The following ZNF385D variants were observed in gnomAD, a reference collection of about 807,000 sequenced individuals.
ZNF385D encodes the protein zinc finger protein 385D.
ZNF385D carries 15 observed loss-of-function variants against 35.8 expected under a neutral mutation model. That is an observed-to-expected ratio of 0.42 (90% CI 0.28 to 0.64). The LOEUF is 0.64. ZNF385D is among the 30% of genes least tolerant of loss of function. ZNF385D has a pLI of 0.23. For synonymous variants in ZNF385D, 212 were observed against 186.8 expected (o/e 1.13, Z -1.10); for missense variants, 474 against 494.6 (o/e 0.96, Z 0.39).
chr3:21,550,258 A>G (rs1212685803), intron 3 of ZNF385D, among the ~76,000 whole-genome samples: 3 of 152,188 alleles, frequency 2.0e-5, no homozygotes, highest in African/African-American at 4.8e-5. Context: ...AATCCTGTGA[A>G]TAATACTGAT....
At chr3:22,326,625 G>T (rs1270200396) in intron 2 of ZNF385D, among the ~76,000 whole-genome samples, 1 of 152,166 alleles carries the variant, frequency 6.6e-6, no homozygotes, top group Non-Finnish European at 1.5e-5. Context: ...TCTGTCTCAG[G>T]TGGGTGGTCA....
chr3:22,068,009 T>TG, intron 3 of ZNF385D, among the ~76,000 whole-genome samples: 1 of 103,992 alleles, frequency 9.6e-6, no homozygotes, highest in Non-Finnish European at 1.8e-5. Flanking sequence ...AAGACTCCAC[T>TG]GGAAAAAAAA....
At chr3:22,210,190 G>C (rs566516941) in intron 2 of ZNF385D, among the ~76,000 whole-genome samples, 3 of 151,872 alleles carry the variant, frequency 2.0e-5, no homozygotes, top group Non-Finnish European at 2.9e-5. Flanking sequence ...CGCCCATTTA[G>C]AGAGCTGCAT....
At chr3:21,955,689 C>A (rs1254417436) in intron 3 of ZNF385D, among the ~76,000 whole-genome samples, 1 of 152,068 alleles carries the variant, frequency 6.6e-6, no homozygotes, top group Non-Finnish European at 1.5e-5. Context: ...TTTAATTAAC[C>A]CACATGTTAT....
At chr3:22,088,142 T>C (rs1701141275) in intron 3 of ZNF385D, among the ~76,000 whole-genome samples, 1 of 152,130 alleles carries the variant, frequency 6.6e-6, no homozygotes, top group South Asian at 2.1e-4. Flanking sequence ...GGACAGAAAA[T>C]ACAGATTTTC....
rs1019742998 is a variant in ZNF385D, at chr3:22,210,487, A to G, written c.107-41452T>C. On this transcript the variant is annotated intron_variant, in intron 2 of 5. Coordinates refer to the ZNF385D transcript ENST00000494108. ...TCTAAAGAATCCATACAGCTGAAAGAAAACAAAACGTGTATCTGAAAATAC... is the reference window on the plus strand; with the variant it reads ...TCTAAAGAATCCATACAGCTGAAAGGAAACAAAACGTGTATCTGAAAATAC... Among the ~76,000 whole-genome samples, 5 of 151,870 alleles carry G rather than the reference A, an allele frequency of 3.3e-5. No individual in the cohort carries two copies. The Admixed American group carries it at 3.3e-4, about 10-fold the overall frequency.
intron 3 of ZNF385D, among the ~76,000 whole-genome samples, chr3:21,995,455 G>T (rs1695403952): frequency 6.6e-6 from 1 of 152,064 alleles, no homozygotes; most frequent in South Asian, 2.1e-4. Context: ...TTGGGCACTG[G>T]CAGGCTGAGC....
chr3:22,057,441 T>C (rs923892245), intron 3 of ZNF385D, among the ~76,000 whole-genome samples: 1 of 152,184 alleles, frequency 6.6e-6, no homozygotes, highest in Non-Finnish European at 1.5e-5. Flanking sequence ...TATCAACTGA[T>C]ACTGCAATTA....
At chr3:21,553,827 C>G (rs1462843684) in intron 3 of ZNF385D, among the ~76,000 whole-genome samples, 4 of 152,122 alleles carry the variant, frequency 2.6e-5, no homozygotes, top group Non-Finnish European at 5.9e-5. Flanking sequence ...ACTTCCTTAG[C>G]TCATTCAAAA....
At chr3:21,839,498 T>A (rs901066946) in intron 3 of ZNF385D, among the ~76,000 whole-genome samples, 1 of 152,066 alleles carries the variant, frequency 6.6e-6, no homozygotes, top group African/African-American at 2.4e-5. Context: ...AGCCAATTGA[T>A]GTAATTAAAT....
At chr3:22,105,595 T>C (rs1702166144) in intron 3 of ZNF385D, among the ~76,000 whole-genome samples, 1 of 152,034 alleles carries the variant, frequency 6.6e-6, no homozygotes, top group South Asian at 2.1e-4. Flanking sequence ...ATGGTGTAGA[T>C]CACAGTTCAG....
At chr3:22,351,447 A>C (rs895940976) in intron 2 of ZNF385D, among the ~76,000 whole-genome samples, 1 of 152,162 alleles carries the variant, frequency 6.6e-6, no homozygotes, top group Non-Finnish European at 1.5e-5. Flanking sequence ...GTTAACAAGC[A>C]TAATTACTGA....
At chr3:22,229,492 T>C (rs1356844864) in intron 2 of ZNF385D, among the ~76,000 whole-genome samples, 1 of 152,206 alleles carries the variant, frequency 6.6e-6, no homozygotes, top group Non-Finnish European at 1.5e-5. Context: ...TCCAGATGCT[T>C]TGGAGATTTT....
chr3:21,921,190 T>A (rs1474778390), intron 3 of ZNF385D, among the ~76,000 whole-genome samples: 1 of 120,696 alleles, frequency 8.3e-6, no homozygotes, highest in Non-Finnish European at 1.6e-5. Context: ...GCCACCGCAC[T>A]CCAGCCTGGG....
chr3:22,187,477 TAC>T (rs908769401), intron 2 of ZNF385D, among the ~76,000 whole-genome samples: 1 of 151,852 alleles, frequency 6.6e-6, no homozygotes, highest in Non-Finnish European at 1.5e-5. Context: ...TCTCACCCTA[TAC>T]ACACACACAG....
intron 4 of ZNF385D, among the ~76,000 whole-genome samples, chr3:21,451,063 A>G (rs917120921): frequency 3.3e-5 from 5 of 152,074 alleles, no homozygotes; most frequent in Admixed American, 3.3e-4. Context: ...CACATGTCTT[A>G]TTTCCCCTTT....
intron 1 of ZNF385D, among the ~76,000 whole-genome samples, chr3:21,744,181 G>A (rs977040963): frequency 6.6e-6 from 1 of 152,038 alleles, no homozygotes; most frequent in African/African-American, 2.4e-5. Context: ...CTAAAAATAG[G>A]AATAATTATA....
At chr3:22,120,573 G>T (rs1333521432) in intron 3 of ZNF385D, among the ~76,000 whole-genome samples, 2 of 152,056 alleles carry the variant, frequency 1.3e-5, no homozygotes, top group South Asian at 2.1e-4. Context: ...TCAGCTTTGA[G>T]TTCAGACCAC....
chr3:22,121,932 G>C (rs997700435), intron 3 of ZNF385D, among the ~76,000 whole-genome samples: 10 of 152,014 alleles, frequency 6.6e-5, no homozygotes, highest in South Asian at 4.2e-4. Flanking sequence ...CTAATCTTAA[G>C]ACAGACAGAT....
Sources: allele counts gnomAD v4.1 joint callset (sites outside exome capture counted in the v4.1 genomes callset), GRCh38; gene constraint gnomAD v4.1.1; transcripts MANE v1.5; gene names NCBI Gene and HGNC (gene_info 2026-07-23, HGNC 2026-07-21).